The following TRIM51G variants were observed in gnomAD, a reference collection of about 807,000 sequenced individuals.
TRIM51G encodes the protein tripartite motif-containing protein 51G.
chr11:48,982,755 A>C, the TRIM51G span, among the ~76,000 whole-genome samples: 1 of 148,946 alleles, frequency 6.7e-6, no homozygotes, highest in East Asian at 2.0e-4. Flanking sequence ...GTGTAGAGTG[A>C]GGACAGATAT....
chr11:48,981,115 G>A, the TRIM51G span: 1 of 1,160,732 alleles, frequency 8.6e-7, no homozygotes, highest in Non-Finnish European at 1.2e-6. Context: ...AATAGAGTTT[G>A]CTTTGTTTCT....
At chr11:48,981,727 T>C in the TRIM51G span, 8 of 1,588,094 alleles carry the variant, frequency 5.0e-6, no homozygotes, top group Non-Finnish European at 6.0e-6. Context: ...GCATGTCATT[T>C]TGGGTTCTGG....
the TRIM51G span, chr11:48,977,290 T>A: frequency 1.7e-6 from 1 of 585,050 alleles, no homozygotes; most frequent in African/African-American, 1.9e-5. Context: ...CCCACACATT[T>A]GCTAATTCCA....
the TRIM51G span, chr11:48,978,819 A>T: frequency 1.2e-6 from 1 of 818,574 alleles, no homozygotes; most frequent in African/African-American, 1.7e-5. Context: ...GAGAGGTAAA[A>T]CACCCATCCA....
At chr11:48,978,499 C>A in the TRIM51G span, among the ~76,000 whole-genome samples, 2 of 152,136 alleles carry the variant, frequency 1.3e-5, no homozygotes, top group African/African-American at 4.8e-5. Flanking sequence ...TTAGTGTGAT[C>A]CTAGATTCCC....
chr11:48,976,666 T>C, the TRIM51G span, among the ~76,000 whole-genome samples: 1 of 152,132 alleles, frequency 6.6e-6, no homozygotes, highest in South Asian at 2.1e-4. Flanking sequence ...ATATTTATTG[T>C]AAGAAAATAC....
the TRIM51G span, among the ~76,000 whole-genome samples, chr11:48,977,454 T>G: frequency 4.6e-5 from 7 of 152,260 alleles, no homozygotes; most frequent in Admixed American, 3.3e-4. Context: ...GGGAGAATAT[T>G]CAAAAATGAA....
At chr11:48,975,882 A>G in the TRIM51G span, 2 of 840,800 alleles carry the variant, frequency 2.4e-6, no homozygotes, top group Non-Finnish European at 4.1e-6. Context: ...GAAAACATTC[A>G]GATTTATCAG....
the TRIM51G span, among the ~76,000 whole-genome samples, chr11:48,980,362 A>G: frequency 6.6e-6 from 1 of 152,152 alleles, no homozygotes; most frequent in East Asian, 1.9e-4. Context: ...TGTCTTCATC[A>G]AGACACAAGT....
the TRIM51G span, chr11:48,975,606 A>G: frequency 1.4e-6 from 2 of 1,388,360 alleles, no homozygotes; most frequent in Non-Finnish European, 2.0e-6. Flanking sequence ...TCACGGTCCT[A>G]CCTTCACAAT....
the TRIM51G span, among the ~76,000 whole-genome samples, chr11:48,982,248 G>A: frequency 6.6e-6 from 1 of 152,066 alleles, no homozygotes; most frequent in African/African-American, 2.4e-5. Context: ...CTCACTAGGA[G>A]ATAAAATAAA....
At chr11:48,977,166 G>A in the TRIM51G span, 13 of 1,319,938 alleles carry the variant, frequency 9.8e-6, no homozygotes, top group Admixed American at 1.7e-5. Context: ...GACACTTGCA[G>A]CAGCAGGGAC....
the TRIM51G span, among the ~76,000 whole-genome samples, chr11:48,977,577 C>T: frequency 2.6e-5 from 4 of 152,126 alleles, no homozygotes; most frequent in Admixed American, 6.6e-5. Context: ...GGTGTTGAAA[C>T]GTGCTCCAGG....
the TRIM51G span, chr11:48,981,671 A>G: frequency 6.3e-7 from 1 of 1,599,438 alleles, no homozygotes; most frequent in African/African-American, 1.3e-5. Context: ...TCCCTCTGGA[A>G]GACTTGCAAG....
the TRIM51G span, among the ~76,000 whole-genome samples, chr11:48,978,694 T>C: frequency 6.6e-6 from 1 of 152,192 alleles, no homozygotes; most frequent in Non-Finnish European, 1.5e-5. Context: ...GGAGGGACCT[T>C]CGGTCTGGTA....
chr11:48,977,976 T>G, the TRIM51G span, among the ~76,000 whole-genome samples: 1 of 151,968 alleles, frequency 6.6e-6, no homozygotes, highest in Admixed American at 6.6e-5. Context: ...AATCACTGAG[T>G]ATGGCAACAA....
chr11:48,977,656 T>C, the TRIM51G span, among the ~76,000 whole-genome samples: 4 of 152,256 alleles, frequency 2.6e-5, no homozygotes, highest in South Asian at 6.2e-4. Context: ...CCAAATAGTT[T>C]GTTTCATCTA....
At chr11:48,982,324 G>C in the TRIM51G span, among the ~76,000 whole-genome samples, 1 of 152,136 alleles carries the variant, frequency 6.6e-6, no homozygotes, top group Admixed American at 6.6e-5. Context: ...CTCAAACTAT[G>C]AACTGACATA....
At chr11:48,978,742 G>A in the TRIM51G span, 4 of 584,522 alleles carry the variant, frequency 6.8e-6, no homozygotes, top group African/African-American at 5.7e-5. Flanking sequence ...CAACCAAGTA[G>A]CATTAGTTAT....
Sources: allele counts gnomAD v4.1 joint callset (sites outside exome capture counted in the v4.1 genomes callset), GRCh38; gene constraint gnomAD v4.1.1; transcripts MANE v1.5; gene names NCBI Gene and HGNC (gene_info 2026-07-23, HGNC 2026-07-21).